Variants in ABCB5 observed in about 807,000 individuals in gnomAD.
The protein encoded by ABCB5 is ATP binding cassette subfamily B member 5.
A neutral mutation model predicts 144.2 loss-of-function variants in ABCB5; 155 were observed. That is an observed-to-expected ratio of 1.08 (90% confidence interval 0.94 to 1.23). ABCB5 has a LOEUF of 1.23. Ranked by LOEUF, ABCB5 falls within the 50% of genes most tolerant of loss-of-function variation. The probability of loss-of-function intolerance (pLI) is 0.00; values close to 1 mark genes in which losing one functional copy is unlikely to be tolerated. For missense variants in ABCB5, 1,830 were observed against 1,520.8 expected (o/e 1.20, Z -3.38); for synonymous variants, 610 against 528.6 (o/e 1.15, Z -2.11).
chr7:20,697,099 A>T (rs542125598), intron 16 of ABCB5, among the ~76,000 whole-genome samples: 2 of 152,322 alleles, frequency 1.3e-5, no homozygotes, highest in South Asian at 2.1e-4. Flanking sequence ...TCTTTTGAAC[A>T]GTGACCTAGC....
intron 20 of ABCB5, among the ~76,000 whole-genome samples, chr7:20,714,358 A>G (rs576602560): frequency 6.6e-6 from 1 of 151,994 alleles, no homozygotes; most frequent in South Asian, 2.1e-4. Context: ...CAAAAAAAAA[A>G]CCTGTATTTT....
At chr7:20,719,724 G>C (rs1781800694) in intron 20 of ABCB5, among the ~76,000 whole-genome samples, 1 of 152,148 alleles carries the variant, frequency 6.6e-6, no homozygotes, top group Non-Finnish European at 1.5e-5. Flanking sequence ...GAGCAGATGG[G>C]TTACCCATGG....
chr7:20,729,977 G>A (rs902834651), intron 23 of ABCB5, among the ~76,000 whole-genome samples: 4 of 152,192 alleles, frequency 2.6e-5, no homozygotes, highest in Non-Finnish European at 4.4e-5. Context: ...TTAAACCTAA[G>A]TAATTTCAGA....
At chr7:20,725,917 G>A (rs146767071) in intron 21 of ABCB5, among the ~76,000 whole-genome samples, 111 of 152,218 alleles carry the variant, frequency 7.3e-4, no homozygotes, top group Middle Eastern at 6.8e-3. Flanking sequence ...GTGTCCTCAC[G>A]ACAGTCCAGA....
At chr7:20,685,520 G>C (rs923087134) in intron 15 of ABCB5, among the ~76,000 whole-genome samples, 176 bp from the exon 16 acceptor site, 3 of 152,170 alleles carry the variant, frequency 2.0e-5, no homozygotes, top group African/African-American at 7.2e-5. Context: ...TAACATTTTA[G>C]TATGAGATAG....
In ABCB5 at chr7:20,753,191, G is replaced by A. The variant is rs981563884; in HGVS notation, c.3430-169G>A. 2.0e-5 allele frequency among the ~76,000 whole-genome samples: 3 copies of A among 152,180 alleles called. No individual in the cohort carries two copies. The South Asian group carries it at 6.2e-4, about 32-fold the overall frequency. On this transcript the variant is annotated intron_variant, in intron 26 of 27. Transcript: ENST00000404938. ...AAATGAGATGGTAGTGTTTACTGCG[G>A]CTTTAGCATTTATTTGCAACAAAGC...
intron 20 of ABCB5, among the ~76,000 whole-genome samples, chr7:20,716,211 T>C (rs6949373): frequency 0.022 from 3,372 of 152,236 alleles, 113 homozygotes; most frequent in African/African-American, 0.073. Context: ...GTAAAAATCA[T>C]TGGCTTCAAA....
intron 4 of ABCB5, among the ~76,000 whole-genome samples, 189 bp downstream of exon 4, chr7:20,629,027 T>A (rs1025456921): frequency 3.1e-4 from 47 of 151,968 alleles, no homozygotes; most frequent in African/African-American, 1.1e-3. Context: ...CAGAGGTCTA[T>A]AATTGAATTA....
intron 14 of ABCB5, among the ~76,000 whole-genome samples, chr7:20,679,452 CA>C (rs1311155221): frequency 3.3e-5 from 2 of 61,072 alleles, no homozygotes; most frequent in African/African-American, 1.4e-4. Flanking sequence ...GCCTGGGCAA[CA>C]AGAGCTAAAC....
At chr7:20,668,234 G>C (rs1363881827) in intron 14 of ABCB5, among the ~76,000 whole-genome samples, 5 of 148,792 alleles carry the variant, frequency 3.4e-5, no homozygotes, top group African/African-American at 1.3e-4. Flanking sequence ...TCTGGAAAGT[G>C]AGGAGCGTCT....
chr7:20,738,395 C>G (rs1782456857), intron 23 of ABCB5, among the ~76,000 whole-genome samples: 2 of 152,138 alleles, frequency 1.3e-5, no homozygotes, highest in South Asian at 4.1e-4. Context: ...AGATCATAAT[C>G]AATAACAAAC....
At chr7:20,649,142 G>T (rs1039930838) in intron 11 of ABCB5, among the ~76,000 whole-genome samples, 1 of 152,052 alleles carries the variant, frequency 6.6e-6, no homozygotes, top group African/African-American at 2.4e-5. Flanking sequence ...TTCTTTCAAG[G>T]AATGACCAGA....
chr7:20,658,965 G>A (rs1784905786), intron 14 of ABCB5: 1 of 1,333,346 alleles, frequency 7.5e-7, no homozygotes, highest in African/African-American at 1.4e-5. Context: ...CACCTCCCTA[G>A]AGTGGCCCAC....
rs570006356 is a variant in ABCB5, at chr7:20,663,877, G to A, written c.1707+5201G>A. 7.4e-4 allele frequency among the ~76,000 whole-genome samples: 112 copies of A among 151,940 alleles called. 1 individual carries two copies. Among genetic ancestry groups the A allele is most frequent in the Non-Finnish European group, 1.1e-3 (73 of 67,968 alleles). On this transcript the variant is annotated intron_variant, in intron 14 of 27. Coordinates refer to ENST00000404938, the MANE Select transcript of ABCB5 (RefSeq NM_001163941.2). ...ATTACAGGCACACACCACCACACCC[G>A]GCTAATTTTTATATTTTTGGTAGAA...
chr7:20,709,677 C>T (rs750098762), intron 20 of ABCB5, among the ~76,000 whole-genome samples: 3 of 150,066 alleles, frequency 2.0e-5, no homozygotes, highest in Admixed American at 6.6e-5. Flanking sequence ...GTGTAGCATG[C>T]TGAGAAGCAG....
intron 1 of ABCB5, among the ~76,000 whole-genome samples, chr7:20,618,301 T>C (rs544347234): frequency 6.6e-6 from 1 of 152,340 alleles, no homozygotes; most frequent in South Asian, 2.1e-4. Flanking sequence ...ATATAGTATG[T>C]TGTCTTTCGT....
At chr7:20,671,855 C>T (rs1373969411) in intron 14 of ABCB5, among the ~76,000 whole-genome samples, 1 of 152,132 alleles carries the variant, frequency 6.6e-6, no homozygotes, top group African/African-American at 2.4e-5. Context: ...ATTTAAATGG[C>T]TGAATCTTAT....
At position 20,639,816 on chromosome 7, in the gene ABCB5, T is replaced by C. The variant is rs74697910; in HGVS notation, c.315-3368T>C. ...CAAATTTGTTCTTCTTTTTAAAAAT[T>C]ACTTTGGCTATTCTGAGTTCTCTAC... On this transcript the variant is annotated intron_variant, in intron 5 of 27. Coordinates refer to ENST00000404938, the MANE Select transcript of ABCB5 (RefSeq NM_001163941.2). Among the ~76,000 whole-genome samples, 355 of 152,344 alleles carry C rather than the reference T, an allele frequency of 2.3e-3. 1 individual carries two copies. The highest frequency in any genetic ancestry group is 8.2e-3 in the African/African-American group (342 of 41,584).
chr7:20,729,243 T>C (rs1033992566), intron 23 of ABCB5, among the ~76,000 whole-genome samples: 36 of 152,214 alleles, frequency 2.4e-4, no homozygotes, highest in Non-Finnish European at 4.9e-4. Context: ...GATGAATTGC[T>C]CTCTGCTTCA....
Sources: allele counts gnomAD v4.1 joint callset (sites outside exome capture counted in the v4.1 genomes callset), GRCh38; gene constraint gnomAD v4.1.1; transcripts MANE v1.5; gene names NCBI Gene and HGNC (gene_info 2026-07-23, HGNC 2026-07-21).